CD96: variants seen among roughly 807,000 people sequenced by gnomAD.
The protein encoded by CD96 is T-cell surface protein tactile.
In CD96, 70 loss-of-function variants were observed where a neutral mutation model predicts 71.3. That is an observed-to-expected ratio of 0.98 (90% CI 0.81 to 1.20). The LOEUF is 1.20. Ranked by LOEUF, CD96 falls within the 50% of genes most tolerant of loss-of-function variation. The pLI, the probability that CD96 is intolerant of heterozygous loss-of-function variation, is 0.00. For synonymous variants in CD96, 248 were observed against 233.0 expected, an observed-to-expected ratio of 1.06 and a Z score of -0.59; for missense variants, 742 against 677.5, an observed-to-expected ratio of 1.10 and a Z score of -1.06.
chr3:111,585,531 T>C (rs1175529191), intron 5 of CD96, among the ~76,000 whole-genome samples, 153 bp downstream of exon 5: 2 of 152,212 alleles, frequency 1.3e-5, no homozygotes, highest in East Asian at 1.9e-4. Context: ...GGGTTGTTTC[T>C]AGAAAGTGAA....
At chr3:111,544,557 T>A (rs883113) in intron 1 of CD96, among the ~76,000 whole-genome samples, 103,439 of 152,104 alleles carry the variant, frequency 0.68, 35,515 homozygotes, top group African/African-American at 0.77. Flanking sequence ...CAAGATAAGA[T>A]ATGAAAGGCC....
chr3:111,606,577 G>A, intron 7 of CD96, 123 bp from the exon 8 acceptor site: 1 of 688,904 alleles, frequency 1.5e-6, no homozygotes, highest in East Asian at 2.7e-5. Flanking sequence ...CCTTAATAGG[G>A]CCCCAATATT....
chr3:111,623,794 T>A lies in CD96; in HGVS notation c.1221T>A (p.Ser407Arg), dbSNP rs752164891. 1 of 1,612,638 alleles carries A rather than the reference T, an allele frequency of 6.2e-7. No individual in the cohort carries two copies. The highest frequency in any genetic ancestry group is 8.5e-7 in the Non-Finnish European group (1 of 1,178,632). ...ATSSVTLVDV[S>R]ALRPNTTPQP... ...CTTCAGTGACCCTTGTAGATGTGAG[T>A]GCCTTGAGGCCAAACACCACTCCTC... Residue 407 changes from serine (S) to arginine (R), a missense_variant, in exon 9 of 14, where the codon AGT (serine) becomes AGA (arginine). Physicochemically the swap from Ser to Arg is moderately radical, Grantham distance 110 (BLOSUM62 -1). Transcript: ENST00000352690.
intron 5 of CD96, chr3:111,594,942 G>A: frequency 6.0e-6 from 1 of 167,314 alleles, no homozygotes; most frequent in Non-Finnish European, 1.5e-5. Flanking sequence ...AGCAAGCTCA[G>A]CTGTTTCAGC....
chr3:111,567,621 T>C lies in CD96; in HGVS notation c.517T>C (p.Ser173Pro). Residue 173 changes from serine (S) to proline (P), a missense_variant, in exon 3 of 14, where the codon TCT becomes CCT. Transcript: ENST00000352690. The part of the protein sequence containing the change: ...CFQNSSSKIS[S>P]EFTYAWSVED... Reference sequence around the variant, plus strand: ...TCAAAATAGCTCCTCAAAAATTTCATCTGAGTTCACCTATGCATGGTCGGT... The same window carrying C: ...TCAAAATAGCTCCTCAAAAATTTCACCTGAGTTCACCTATGCATGGTCGGT... The C allele has an allele frequency of 6.2e-7, 1 of 1,613,390 alleles. No homozygotes were observed. The highest frequency in any genetic ancestry group is 8.5e-7 in the Non-Finnish European group (1 of 1,179,304).
intron 7 of CD96, among the ~76,000 whole-genome samples, chr3:111,606,372 G>A (rs940000549): frequency 2.0e-5 from 3 of 152,170 alleles, no homozygotes; most frequent in East Asian, 3.9e-4. Flanking sequence ...TCTTGGTAAA[G>A]TGTAACTTTT....
intron 1 of CD96, among the ~76,000 whole-genome samples, chr3:111,544,026 G>T (rs1358885617): frequency 6.6e-6 from 1 of 152,144 alleles, no homozygotes; most frequent in East Asian, 1.9e-4. Context: ...GTCTCTAAAG[G>T]TCTCTTTGTC....
chr3:111,559,058 C>A (rs1276039893), intron 2 of CD96, among the ~76,000 whole-genome samples: 27 of 151,970 alleles, frequency 1.8e-4, no homozygotes, highest in Non-Finnish European at 1.9e-4. Flanking sequence ...GTGATATCCC[C>A]TTTATCATTT....
intron 11 of CD96, among the ~76,000 whole-genome samples, chr3:111,637,811 A>G (rs1461178942): frequency 6.8e-6 from 1 of 147,522 alleles, no homozygotes; most frequent in African/African-American, 2.5e-5. Context: ...TTTTTTTTTC[A>G]ACCAATAGGA....
intron 1 of CD96, among the ~76,000 whole-genome samples, chr3:111,543,982 G>T (rs1376143591): frequency 6.6e-6 from 1 of 152,136 alleles, no homozygotes; most frequent in Admixed American, 6.5e-5. Context: ...TCTGCTGTGG[G>T]CCTGGATGCC....
chr3:111,548,727 A>G (rs760913664), intron 2 of CD96, among the ~76,000 whole-genome samples: 7 of 152,188 alleles, frequency 4.6e-5, no homozygotes, highest in Non-Finnish European at 1.0e-4. Context: ...CGGTTGGAGA[A>G]GTCATGGTCC....
intron 3 of CD96, chr3:111,570,921 G>A: frequency 6.3e-7 from 1 of 1,581,008 alleles, no homozygotes; most frequent in Non-Finnish European, 8.7e-7. Flanking sequence ...AGTGCATGAG[G>A]CGCCAGCGTC....
chr3:111,552,199 C>A (rs760973814), intron 2 of CD96, among the ~76,000 whole-genome samples: 15 of 151,648 alleles, frequency 9.9e-5, no homozygotes, highest in Non-Finnish European at 1.9e-4. Context: ...ATATTAGACC[C>A]CAGGCCCTTT....
downstream of CD96, among the ~76,000 whole-genome samples, chr3:111,654,241 C>A (rs1210627703): frequency 6.6e-6 from 1 of 152,136 alleles, no homozygotes; most frequent in Non-Finnish European, 1.5e-5. Flanking sequence ...CTGGCAGAAA[C>A]ACATAGTGAG....
intron 2 of CD96, among the ~76,000 whole-genome samples, chr3:111,549,259 A>G (rs1038029934): frequency 1.3e-5 from 2 of 151,960 alleles, no homozygotes; most frequent in African/African-American, 2.4e-5. Flanking sequence ...AGAACAGGAC[A>G]TGCAAAGGTT....
chr3:111,583,406 C>G (rs566490549), intron 4 of CD96, among the ~76,000 whole-genome samples: 1 of 152,256 alleles, frequency 6.6e-6, no homozygotes, highest in East Asian at 1.9e-4. Flanking sequence ...ATCTACCATT[C>G]TGGGGTCTGG....
chr3:111,664,814 T>A (rs148703962), intron 14 of CD96, among the ~76,000 whole-genome samples: 1 of 152,296 alleles, frequency 6.6e-6, no homozygotes, highest in African/African-American at 2.4e-5. Context: ...CTAGATTGAA[T>A]CCTGTACTAG....
intron 3 of CD96, among the ~76,000 whole-genome samples, chr3:111,574,964 T>G (rs1008673361): frequency 1.8e-4 from 28 of 151,792 alleles, no homozygotes; most frequent in African/African-American, 5.6e-4. Context: ...TTTTTTTTTT[T>G]TGTATTTTTA....
At chr3:111,582,283 T>C (rs1304291879) in intron 4 of CD96, among the ~76,000 whole-genome samples, 1 of 152,218 alleles carries the variant, frequency 6.6e-6, no homozygotes, top group East Asian at 1.9e-4. Flanking sequence ...TTTAGCATTC[T>C]TTCCACTGAG....
Sources: allele counts gnomAD v4.1 joint callset (sites outside exome capture counted in the v4.1 genomes callset), GRCh38; gene constraint gnomAD v4.1.1; transcripts MANE v1.5; gene names NCBI Gene and HGNC (gene_info 2026-07-23, HGNC 2026-07-21).